ADAMTS16: variants seen among roughly 807,000 people sequenced by gnomAD.
The protein encoded by ADAMTS16 is A disintegrin and metalloproteinase with thrombospondin motifs 16.
A neutral mutation model predicts 145.8 loss-of-function variants in ADAMTS16; 94 were observed. The observed-to-expected ratio is 0.64, with a 90% CI of 0.55 to 0.77. The LOEUF (loss-of-function observed/expected upper bound fraction) is 0.77, where lower values mean the gene tolerates loss of function less well. ADAMTS16 is among the 30% of genes least tolerant of loss of function. The probability of loss-of-function intolerance (pLI) is 0.00; values close to 1 mark genes in which losing one functional copy is unlikely to be tolerated. For missense variants in ADAMTS16, 1,585 were observed against 1,591.5 expected (o/e 1.00, Z 0.07); for synonymous variants, 659 against 604.3 (o/e 1.09, Z -1.33).
At chr5:5,256,418 T>C (rs1737785099) in intron 17 of ADAMTS16, among the ~76,000 whole-genome samples, 1 of 152,236 alleles carries the variant, frequency 6.6e-6, no homozygotes, top group Non-Finnish European at 1.5e-5. Flanking sequence ...AACTTGCACC[T>C]GCATTGGATA....
chr5:5,205,477 G>A lies in ADAMTS16; in HGVS notation c.1452-3616G>A, dbSNP rs570973536. Among the ~76,000 whole-genome samples, 8 of 152,238 alleles carry A rather than the reference G, an allele frequency of 5.3e-5. No individual in the cohort carries two copies. The East Asian group carries it at 7.7e-4, about 15-fold the overall frequency. On this transcript the variant is annotated intron_variant, in intron 9 of 22. Coordinates refer to ENST00000274181, the MANE Select transcript of ADAMTS16 (RefSeq NM_139056.4). ...TTTTATCCATGTGGTTATTGTGGTC[G>A]ATTGATTATAAAATGGTTGCAATGA...
intron 8 of ADAMTS16, among the ~76,000 whole-genome samples, chr5:5,197,964 T>C (rs1049955422): frequency 1.3e-5 from 2 of 152,154 alleles, no homozygotes; most frequent in Non-Finnish European, 2.9e-5. Flanking sequence ...GGTAGCTACA[T>C]TGTGCTCTGT....
chr5:5,278,062 G>A (rs1291194611), intron 18 of ADAMTS16, among the ~76,000 whole-genome samples: 2 of 152,190 alleles, frequency 1.3e-5, no homozygotes, highest in Non-Finnish European at 2.9e-5. Flanking sequence ...TAAACTAAAT[G>A]TAGGTTTTTG....
Position 5,186,085 on chromosome 5 carries a change from T to A in ADAMTS16, c.797T>A (p.Ile266Asn). 3 of 1,614,016 alleles carry A rather than the reference T, an allele frequency of 1.9e-6. No individual in the cohort carries two copies. The highest frequency in any genetic ancestry group is 3.3e-4 in the Middle Eastern group (2 of 6,062). Residue 266 changes from isoleucine to asparagine, a missense_variant, in exon 5 of 23, where the codon ATC becomes AAC. Transcript: ENST00000274181. ...CAGCCTCCCAAGGAAGACCTCTTCATCTTGCCAGATGAGTATAAGTCTTGC... is the reference window on the plus strand; with the variant it reads ...CAGCCTCCCAAGGAAGACCTCTTCAACTTGCCAGATGAGTATAAGTCTTGC... ...MPQPPKEDLF[I>N]LPDEYKSCLR...
intron 11 of ADAMTS16, among the ~76,000 whole-genome samples, chr5:5,229,514 C>T (rs1736866625): frequency 6.6e-6 from 1 of 152,032 alleles, no homozygotes; most frequent in African/African-American, 2.4e-5. Context: ...ACTAGCCTTG[C>T]TGAGAGATCC....
rs68053302 is a variant in ADAMTS16, at chr5:5,227,543, GTGTGTC to G, written c.1701+4661_1701+4666del. Among the ~76,000 whole-genome samples the G allele has an allele frequency of 5.6e-4, 72 of 129,010 alleles. No homozygotes were observed. In the East Asian group the frequency reaches 8.8e-3, roughly 16 times the overall value. The allele number at this position is 129,010 out of a possible 152,430, so 84.6% of individuals were successfully genotyped here. A position where few individuals can be genotyped will look rare whatever the true frequency, so the allele number is the denominator to read the frequency against. ...TGTGTGTGTGTGTGTGTGTGTGTGT[GTGTGTC>G]TCTACATGCACTTATATTTCCCCCA... is the stretch of plus-strand genomic sequence containing the variant. On this transcript the variant is annotated intron_variant, in intron 11 of 22. Coordinates refer to ENST00000274181, the MANE Select transcript of ADAMTS16 (RefSeq NM_139056.4).
At chr5:5,286,213 A>G (rs1226675825) in intron 18 of ADAMTS16, among the ~76,000 whole-genome samples, 1 of 152,222 alleles carries the variant, frequency 6.6e-6, no homozygotes, top group Non-Finnish European at 1.5e-5. Flanking sequence ...GAAACCACTG[A>G]AATCTAAAAT....
intron 18 of ADAMTS16, among the ~76,000 whole-genome samples, chr5:5,292,221 C>T (rs12163941): frequency 0.22 from 33,603 of 152,152 alleles, 4,083 homozygotes; most frequent in Admixed American, 0.37. Context: ...CTGGGCCAGA[C>T]GCAGTGGCTC....
chr5:5,164,985 C>A (rs1195747804), intron 3 of ADAMTS16, among the ~76,000 whole-genome samples: 3 of 152,050 alleles, frequency 2.0e-5, no homozygotes, highest in Admixed American at 2.0e-4. Context: ...ACATAACTAC[C>A]CCTCACCACT....
At chr5:5,232,592 T>A (rs1435700132) in intron 12 of ADAMTS16, 76 bp downstream of exon 12, 2 of 1,431,988 alleles carry the variant, frequency 1.4e-6, no homozygotes, top group African/African-American at 3.0e-5. Context: ...TATGCCTGTG[T>A]CTCAGCTCTT....
chr5:5,303,806 C>A (rs746808077), intron 20 of ADAMTS16, 40 bp downstream of exon 20: 2 of 1,599,216 alleles, frequency 1.3e-6, no homozygotes, highest in Admixed American at 3.4e-5. Context: ...TTGACTAGCT[C>A]TCCCCTCGGG....
At position 5,319,606 on chromosome 5, in the gene ADAMTS16, GA is replaced by G. The variant is rs1734203980; in HGVS notation, c.*469del. The G allele has an allele frequency of 3.0e-6, 1 of 331,180 alleles. No individual in the cohort carries two copies. Among genetic ancestry groups the G allele is most frequent in the African/African-American group, 2.2e-5 (1 of 45,416 alleles). The allele number at this position is 331,180 out of a possible 1,614,324, so 20.5% of individuals were successfully genotyped here. A position where few individuals can be genotyped will look rare whatever the true frequency, so the allele number is the denominator to read the frequency against. On this transcript the variant is annotated 3_prime_UTR_variant, in exon 23 of 23. Coordinates refer to ENST00000274181, the MANE Select transcript of ADAMTS16 (RefSeq NM_139056.4). ...CTAGGAGGGCCCCTCGAGCCATCAG[GA>G]GTGACCAACTTCCTGGGTGGAGGTC...
At position 5,237,021 on chromosome 5, in the gene ADAMTS16, T is replaced by C. The variant is rs367881493; in HGVS notation, c.2076T>C (p.Phe692=). The part of the protein sequence containing the change: ...YCIAEGFDFF[F]SLSNKVKDGT... ...TCGCAGAAGGATTTGATTTCTTCTT[T>C]TCTTTGTCAAATAAAGTCAAAGATG... Residue 692 remains phenylalanine, a synonymous_variant, in exon 14 of 23, where the codon TTT becomes TTC. Coordinates refer to ENST00000274181, the MANE Select transcript of ADAMTS16 (RefSeq NM_139056.4). 31 of 1,614,008 alleles carry C rather than the reference T, an allele frequency of 1.9e-5. No homozygotes were observed. The highest frequency in any genetic ancestry group is 2.3e-5 in the Non-Finnish European group (27 of 1,180,008).
At position 5,265,959 on chromosome 5, in the gene ADAMTS16, G is replaced by A. The variant is rs148396678; in HGVS notation, c.2789+3176G>A. ...CCGAGTTACCAGTGCTATGAAGTGG[G>A]GAAACCAGTAAATTAGACTTAAAGA... On this transcript the variant is annotated intron_variant, in intron 18 of 22. Transcript: ENST00000274181. Among the ~76,000 whole-genome samples, 39 of 151,602 alleles carry A rather than the reference G, an allele frequency of 2.6e-4. 1 individual carries two copies. In the East Asian group the frequency reaches 7.4e-3, roughly 29 times the overall value.
intron 18 of ADAMTS16, among the ~76,000 whole-genome samples, chr5:5,290,315 T>C (rs992198957): frequency 1.7e-4 from 26 of 152,108 alleles, no homozygotes; most frequent in African/African-American, 6.3e-4. Context: ...TCACAGTCCA[T>C]GAACTTTGTG....
At position 5,230,397 on chromosome 5, in the gene ADAMTS16, T is replaced by C. The variant is rs537951227; in HGVS notation, c.1702-1971T>C. On this transcript the variant is annotated intron_variant, in intron 11 of 22. Coordinates refer to ENST00000274181, the MANE Select transcript of ADAMTS16 (RefSeq NM_139056.4). ...ATTTGATGATATTAAGGAATGATTGTAGGTTTCTAGGTATGATAATGGTGT... is the reference window on the plus strand; with the variant it reads ...ATTTGATGATATTAAGGAATGATTGCAGGTTTCTAGGTATGATAATGGTGT... 1.1e-4 allele frequency among the ~76,000 whole-genome samples: 17 copies of C among 152,330 alleles called. No homozygotes were observed. In the South Asian group the frequency reaches 3.5e-3, roughly 32 times the overall value.
In ADAMTS16 at chr5:5,208,961, GA is replaced by G. The variant is rs892077799; in HGVS notation, c.1452-125del. ...ATAAGTATTATATTGTAACTCAGGAGAAAAAAAGTTCTCCTCTTTGTATACA... is the reference window on the plus strand; with the variant it reads ...ATAAGTATTATATTGTAACTCAGGAGAAAAAAGTTCTCCTCTTTGTATACA... On this transcript the variant is annotated intron_variant, in intron 9 of 22. Coordinates refer to ENST00000274181, the MANE Select transcript of ADAMTS16 (RefSeq NM_139056.4). 346 of 915,472 alleles carry G rather than the reference GA, an allele frequency of 3.8e-4. 1 individual carries two copies. Among genetic ancestry groups the G allele is most frequent in the Non-Finnish European group, 5.0e-4 (310 of 619,234 alleles). The allele number at this position is 915,472 out of a possible 1,614,324, so 56.7% of individuals were successfully genotyped here. A position where few individuals can be genotyped will look rare whatever the true frequency, so the allele number is the denominator to read the frequency against.
At chr5:5,289,621 T>A (rs1739225835) in intron 18 of ADAMTS16, among the ~76,000 whole-genome samples, 1 of 152,248 alleles carries the variant, frequency 6.6e-6, no homozygotes, top group Non-Finnish European at 1.5e-5. Flanking sequence ...CCAGTTCGAT[T>A]ATTTATAAGT....
chr5:5,184,742 G>T (rs1400751823), intron 4 of ADAMTS16, among the ~76,000 whole-genome samples: 1 of 151,942 alleles, frequency 6.6e-6, no homozygotes, highest in Non-Finnish European at 1.5e-5. Flanking sequence ...ATATTGAGGG[G>T]CAGTCATTTG....
Sources: gnomAD v4.1 joint callset for allele counts (sites outside exome capture counted in the v4.1 genomes callset) on GRCh38, gnomAD v4.1.1 for gene constraint, MANE v1.5 for transcripts, NCBI Gene and HGNC (gene_info 2026-07-23, HGNC 2026-07-21) for gene names.